FBXL7: variants seen among roughly 807,000 people sequenced by gnomAD.
The protein encoded by FBXL7 is F-box/LRR-repeat protein 7.
Under a neutral mutation model 38.3 loss-of-function variants are expected in FBXL7, and 12 were observed. The ratio of observed to expected loss-of-function variants is 0.31; its 90% confidence interval spans 0.20 to 0.51. The LOEUF (loss-of-function observed/expected upper bound fraction) is 0.51, where lower values mean the gene tolerates loss of function less well. FBXL7 is among the 20% of genes least tolerant of loss of function. FBXL7 has a pLI of 0.98. For missense variants in FBXL7, 567 were observed against 676.4 expected, an observed-to-expected ratio of 0.84 and a Z score of 1.79; for synonymous variants, 297 against 300.9, an observed-to-expected ratio of 0.99 and a Z score of 0.13.
intron 1 of FBXL7, among the ~76,000 whole-genome samples, chr5:15,529,388 TTC>T (rs1737352324): frequency 6.6e-6 from 1 of 151,394 alleles, no homozygotes. Context: ...GTAACCTAAC[TTC>T]TTTTTTTTTT....
chr5:15,555,970 C>G (rs1314850554), intron 1 of FBXL7, among the ~76,000 whole-genome samples: 2 of 134,562 alleles, frequency 1.5e-5, no homozygotes, highest in Non-Finnish European at 3.2e-5. Context: ...TGTCATCTGT[C>G]TATCATCTAT....
At chr5:15,795,135 A>G (rs1468848440) in intron 2 of FBXL7, among the ~76,000 whole-genome samples, 3 of 152,012 alleles carry the variant, frequency 2.0e-5, no homozygotes, top group East Asian at 1.9e-4. Flanking sequence ...TTCTGTTTGT[A>G]TGTTTTGTTT....
chr5:15,730,348 TA>T (rs1243842317), intron 2 of FBXL7, among the ~76,000 whole-genome samples: 1 of 152,146 alleles, frequency 6.6e-6, no homozygotes, highest in Non-Finnish European at 1.5e-5. Flanking sequence ...CCACGTATAA[TA>T]ATTGGATTTC....
In FBXL7 at chr5:15,575,997, A is replaced by G. The variant is rs559293372; in HGVS notation, c.38-39986A>G. 4.7e-5 allele frequency among the ~76,000 whole-genome samples: 7 copies of G among 149,248 alleles called. No homozygotes were observed. The East Asian group carries it at 1.2e-3, about 25-fold the overall frequency. Reference sequence around the variant, plus strand: ...CACTGTGTTTTTTTGTGTTTGATTTATATTTGTAAATGGTAAGTGAGTTTA... The same window carrying G: ...CACTGTGTTTTTTTGTGTTTGATTTGTATTTGTAAATGGTAAGTGAGTTTA... On this transcript the variant is annotated intron_variant, in intron 1 of 3. Coordinates refer to ENST00000504595, the MANE Select transcript of FBXL7 (RefSeq NM_012304.5).
At chr5:15,872,711 C>G (rs1207565791) in intron 2 of FBXL7, among the ~76,000 whole-genome samples, 2 of 152,148 alleles carry the variant, frequency 1.3e-5, no homozygotes, top group Non-Finnish European at 2.9e-5. Context: ...GTAAAGGGAT[C>G]ACTGCAACAA....
At chr5:15,621,851 C>T (rs185830333) in intron 2 of FBXL7, among the ~76,000 whole-genome samples, 89 of 152,256 alleles carry the variant, frequency 5.8e-4, no homozygotes, top group African/African-American at 1.5e-3. Context: ...AATGCAGCCA[C>T]GGGATTTTCA....
intron 2 of FBXL7, among the ~76,000 whole-genome samples, chr5:15,787,225 G>T (rs1293910152): frequency 6.6e-6 from 1 of 152,178 alleles, no homozygotes; most frequent in Non-Finnish European, 1.5e-5. Flanking sequence ...GGCAGCCCTA[G>T]AAAATTAACA....
intron 1 of FBXL7, among the ~76,000 whole-genome samples, chr5:15,535,979 G>A (rs1252300840): frequency 6.6e-6 from 1 of 152,246 alleles, no homozygotes; most frequent in Non-Finnish European, 1.5e-5. Flanking sequence ...TGCGCCCAGG[G>A]CCTTGCTGCT....
intron 1 of FBXL7, among the ~76,000 whole-genome samples, chr5:15,571,367 C>A (rs922195398): frequency 6.6e-6 from 1 of 152,094 alleles, no homozygotes; most frequent in Non-Finnish European, 1.5e-5. Context: ...TCTCCAAAAA[C>A]TTCTAAACCT....
chr5:15,686,025 T>C (rs1000765973), intron 2 of FBXL7, among the ~76,000 whole-genome samples: 2 of 152,178 alleles, frequency 1.3e-5, no homozygotes, highest in African/African-American at 2.4e-5. Context: ...CCTTTTGCCA[T>C]AGAGCAGCAA....
chr5:15,615,859 A>C (rs972887620), intron 1 of FBXL7, 124 bp from the exon 2 acceptor site: 2 of 565,750 alleles, frequency 3.5e-6, no homozygotes, highest in African/African-American at 3.8e-5. Context: ...AATAAACTCC[A>C]TTCTTTGTAT....
At chr5:15,893,115 C>CA (rs931760815) in intron 2 of FBXL7, among the ~76,000 whole-genome samples, 2,709 of 71,328 alleles carry the variant, frequency 0.038, 88 homozygotes, top group African/African-American at 0.11. Context: ...GACTCTGTCT[C>CA]AAAAAAAAAA....
chr5:15,743,374 G>A (rs2126677291), intron 2 of FBXL7, among the ~76,000 whole-genome samples: 1 of 152,320 alleles, frequency 6.6e-6, no homozygotes, highest in East Asian at 1.9e-4. Flanking sequence ...AGGGGCTACA[G>A]GCCTCATGCA....
chr5:15,871,519 T>C (rs1739963535), intron 2 of FBXL7, among the ~76,000 whole-genome samples: 1 of 152,152 alleles, frequency 6.6e-6, no homozygotes, highest in Admixed American at 6.5e-5. Flanking sequence ...TAAAGGAGCA[T>C]GTTCTAACCC....
intron 2 of FBXL7, among the ~76,000 whole-genome samples, chr5:15,711,328 C>G (rs1369433922): frequency 6.6e-6 from 1 of 152,170 alleles, no homozygotes; most frequent in Non-Finnish European, 1.5e-5. Context: ...GCGTGGCATT[C>G]TGTCATTTGT....
intron 1 of FBXL7, among the ~76,000 whole-genome samples, chr5:15,596,699 A>C (rs1739634595): frequency 6.6e-6 from 1 of 152,200 alleles, no homozygotes; most frequent in Non-Finnish European, 1.5e-5. Context: ...AGAAGGGCTG[A>C]AGGTTGAGTT....
intron 1 of FBXL7, among the ~76,000 whole-genome samples, chr5:15,566,790 A>C (rs1738587066): frequency 6.6e-6 from 1 of 152,164 alleles, no homozygotes; most frequent in African/African-American, 2.4e-5. Flanking sequence ...AGGGTCCTAC[A>C]TTGTATTTAA....
chr5:15,689,886 A>G (rs1743131290), intron 2 of FBXL7, among the ~76,000 whole-genome samples: 1 of 152,202 alleles, frequency 6.6e-6, no homozygotes, highest in African/African-American at 2.4e-5. Context: ...TTTGATCTTC[A>G]TAATTCTTTA....
At chr5:15,772,863 T>G (rs903361736) in intron 2 of FBXL7, among the ~76,000 whole-genome samples, 1 of 152,118 alleles carries the variant, frequency 6.6e-6, no homozygotes, top group Non-Finnish European at 1.5e-5. Context: ...TGTGAAGACC[T>G]TAATAGTGAC....
Sources: gnomAD v4.1 joint callset for allele counts (sites outside exome capture counted in the v4.1 genomes callset) on GRCh38, gnomAD v4.1.1 for gene constraint, MANE v1.5 for transcripts, NCBI Gene and HGNC (gene_info 2026-07-23, HGNC 2026-07-21) for gene names.